Variants in ROBO1 observed in about 807,000 individuals in gnomAD.
The protein encoded by ROBO1 is roundabout guidance receptor 1.
ROBO1 carries 149 observed loss-of-function variants against 195.9 expected under a neutral mutation model. The ratio of observed to expected loss-of-function variants is 0.76; its 90% confidence interval spans 0.67 to 0.87. The LOEUF (loss-of-function observed/expected upper bound fraction) is 0.87. Among genes scored for constraint, ROBO1 ranks in the 40% least tolerant of loss-of-function variants. The pLI is 0.00. For synonymous variants in ROBO1, 816 were observed against 733.2 expected, an observed-to-expected ratio of 1.11 and a Z score of -1.82; for missense variants, 1,933 against 2,068.3, an observed-to-expected ratio of 0.93 and a Z score of 1.27.
intron 2 of ROBO1, among the ~76,000 whole-genome samples, chr3:79,299,583 GATATT>G (rs1360859189): frequency 6.6e-6 from 1 of 152,052 alleles, no homozygotes; most frequent in Non-Finnish European, 1.5e-5. Context: ...TGAAAATAAA[GATATT>G]ATATAAAGTG....
At chr3:79,665,949 G>A (rs1946464786) in intron 1 of ROBO1, among the ~76,000 whole-genome samples, 1 of 151,748 alleles carries the variant, frequency 6.6e-6, no homozygotes, top group African/African-American at 2.4e-5. Context: ...TACCTGGTGT[G>A]TATTTTAAAC....
At chr3:78,634,456 A>C (rs536596789) in intron 23 of ROBO1, 8 of 301,954 alleles carry the variant, frequency 2.6e-5, no homozygotes, top group African/African-American at 1.1e-4. Context: ...CCAAATGATA[A>C]GCTTGCCACT....
chr3:78,942,943 G>A (rs545521569), intron 3 of ROBO1, among the ~76,000 whole-genome samples: 8 of 151,364 alleles, frequency 5.3e-5, no homozygotes, highest in South Asian at 4.2e-4. Flanking sequence ...TGCCGGGTGC[G>A]GTGGGTCACG....
At chr3:79,380,934 A>T (rs1420588050) in intron 2 of ROBO1, among the ~76,000 whole-genome samples, 1 of 152,218 alleles carries the variant, frequency 6.6e-6, no homozygotes, top group Non-Finnish European at 1.5e-5. Context: ...ACTGAGACTG[A>T]GATGCTACTA....
chr3:78,903,268 T>C (rs1410010144), intron 4 of ROBO1, among the ~76,000 whole-genome samples: 2 of 152,168 alleles, frequency 1.3e-5, no homozygotes, highest in Non-Finnish European at 2.9e-5. Flanking sequence ...ATAAATATTA[T>C]GGTCTTTCAA....
intron 3 of ROBO1, among the ~76,000 whole-genome samples, chr3:79,011,629 G>A (rs928885260): frequency 8.0e-5 from 12 of 149,996 alleles, no homozygotes; most frequent in African/African-American, 4.9e-5. Flanking sequence ...TAGCAAGTTG[G>A]TGTTTTATAT....
chr3:79,491,388 G>C (rs140297120), intron 2 of ROBO1, among the ~76,000 whole-genome samples: 1 of 152,186 alleles, frequency 6.6e-6, no homozygotes, highest in Non-Finnish European at 1.5e-5. Context: ...CAGTCGGGTT[G>C]TAAGAGTAGT....
At chr3:78,757,457 T>A (rs200539919) in intron 4 of ROBO1, among the ~76,000 whole-genome samples, 6 of 134,634 alleles carry the variant, frequency 4.5e-5, no homozygotes, top group African/African-American at 1.3e-4. Context: ...ACACACACAC[T>A]CACAAACTCA....
rs182866750 is a variant in ROBO1 at position 79,044,769 on chromosome 3, A to G, written c.172+80687T>C. Among the ~76,000 whole-genome samples the G allele has an allele frequency of 9.5e-4, 145 of 152,246 alleles. 4 individuals are homozygous for G. Among genetic ancestry groups the G allele is most frequent in the Admixed American group, 2.6e-3 (39 of 15,272 alleles). ...TAAATAGGCATATAGATAAAGAGAC[A>G]GCTTTTTGACATTTTCTTTTTTTAA... On this transcript the variant is annotated intron_variant, in intron 3 of 30. Coordinates refer to ENST00000464233, the MANE Select transcript of ROBO1 (RefSeq NM_002941.4).
chr3:79,588,670 A>G lies in ROBO1; in HGVS notation c.88+1154T>C, dbSNP rs1358143669. On this transcript the variant is annotated intron_variant, in intron 2 of 30. Coordinates refer to ENST00000464233, the MANE Select transcript of ROBO1 (RefSeq NM_002941.4). Reference sequence around the variant, plus strand: ...CTTTGATTCATACACTAATCTTAATACTCAACAGAGTTGTGGCAAGAGAAG... The same window carrying G: ...CTTTGATTCATACACTAATCTTAATGCTCAACAGAGTTGTGGCAAGAGAAG... Among the ~76,000 whole-genome samples, 3 of 151,734 alleles carry G rather than the reference A, an allele frequency of 2.0e-5. No individual in the cohort carries two copies. In the South Asian group the frequency reaches 6.2e-4, roughly 31 times the overall value.
intron 2 of ROBO1, among the ~76,000 whole-genome samples, chr3:79,272,366 T>C (rs1025121643): frequency 6.6e-6 from 1 of 151,964 alleles, no homozygotes; most frequent in African/African-American, 2.4e-5. Context: ...GATGGCCAAG[T>C]AGAAGCCTCC....
intron 4 of ROBO1, among the ~76,000 whole-genome samples, chr3:78,814,458 G>T (rs2084839240): frequency 6.6e-6 from 1 of 151,890 alleles, no homozygotes; most frequent in South Asian, 2.1e-4. Context: ...CCCATTTCAA[G>T]GGCCCAAGAG....
intron 2 of ROBO1, among the ~76,000 whole-genome samples, chr3:79,268,826 T>C (rs1447181638): frequency 2.6e-5 from 4 of 151,724 alleles, no homozygotes; most frequent in African/African-American, 9.7e-5. Context: ...ATAGACCACA[T>C]GGATACTATT....
chr3:79,618,811 G>A (rs1182146716), intron 1 of ROBO1, among the ~76,000 whole-genome samples: 5 of 152,128 alleles, frequency 3.3e-5, no homozygotes, highest in Non-Finnish European at 7.3e-5. Flanking sequence ...ATTTCAAATT[G>A]GGTAAGTGGT....
rs114822504 is a variant in ROBO1, at chr3:79,758,625, T to C, written c.-51+9127A>G. Among the ~76,000 whole-genome samples, 438 of 152,308 alleles carry C rather than the reference T, an allele frequency of 2.9e-3. 2 individuals are homozygous for C. The highest frequency in any genetic ancestry group is 9.8e-3 in the African/African-American group (409 of 41,570). ...TATATCTTGAAGGATGAACATATTC[T>C]CTACAGAGAGAAAAGAAGAAAGGTA... is the stretch of plus-strand genomic sequence containing the variant. On this transcript the variant is annotated intron_variant, in intron 1 of 30. Transcript: ENST00000464233.
At chr3:79,041,817 T>A (rs749641605) in intron 3 of ROBO1, among the ~76,000 whole-genome samples, 10 of 152,192 alleles carry the variant, frequency 6.6e-5, no homozygotes, top group Non-Finnish European at 1.2e-4. Context: ...TGGACTGGGA[T>A]TGGAAATGTG....
At position 79,590,423 on chromosome 3, in the gene ROBO1, C is replaced by T. The variant is rs942063022; in HGVS notation, c.-50-462G>A. 1.3e-5 allele frequency among the ~76,000 whole-genome samples: 2 copies of T among 151,744 alleles called. 1 individual carries two copies. Among genetic ancestry groups the T allele is most frequent in the South Asian group, 4.1e-4 (2 of 4,828 alleles). On this transcript the variant is annotated intron_variant, in intron 1 of 30. Transcript: ENST00000464233. ...CTTGCTCTTCACCCAGGTGCATAAA[C>T]ACCTTGAGGCCACTTTAATTATGTG...
At chr3:78,837,776 G>A (rs1022109127) in intron 4 of ROBO1, among the ~76,000 whole-genome samples, 17 of 151,772 alleles carry the variant, frequency 1.1e-4, no homozygotes, top group African/African-American at 3.4e-4. Context: ...TAAAGTATAC[G>A]AAAATTGAAT....
rs528744610 is a variant in ROBO1, at chr3:78,808,197, A to ATTATT, written c.500-61302_500-61298dup. 4.9e-3 allele frequency among the ~76,000 whole-genome samples: 747 copies of ATTATT among 152,218 alleles called. 7 individuals are homozygous for ATTATT. Among genetic ancestry groups the ATTATT allele is most frequent in the African/African-American group, 0.016 (679 of 41,530 alleles). ...ATCCAAAATTAATGCTGAAATGAGA[A>ATTATT]TTATTTTATTTTATTTTATTTTTTT... On this transcript the variant is annotated intron_variant, in intron 4 of 30. Transcript: ENST00000464233.
Sources: allele counts gnomAD v4.1 joint callset (sites outside exome capture counted in the v4.1 genomes callset), GRCh38; gene constraint gnomAD v4.1.1; transcripts MANE v1.5; gene names NCBI Gene and HGNC (gene_info 2026-07-23, HGNC 2026-07-21).